The following CLPB variants were observed in gnomAD, a reference collection of about 807,000 sequenced individuals.
The protein encoded by CLPB is mitochondrial disaggregase.
CLPB carries 40 observed loss-of-function variants against 78.4 expected under a neutral mutation model. The ratio of observed to expected loss-of-function variants is 0.51; its 90% confidence interval spans 0.40 to 0.66. CLPB has a LOEUF of 0.66. Among genes scored for constraint, CLPB ranks in the 30% least tolerant of loss-of-function variants. CLPB has a pLI of 0.00. For missense variants in CLPB, 780 were observed against 886.9 expected, an observed-to-expected ratio of 0.88 and a Z score of 1.53; for synonymous variants, 333 against 348.0, an observed-to-expected ratio of 0.96 and a Z score of 0.48.
chr11:72,411,632 A>T (rs1855878370), intron 2 of CLPB: 2 of 152,126 alleles, frequency 1.3e-5, no homozygotes, highest in Non-Finnish European at 2.9e-5. Context: ...TGTTTGTGGG[A>T]GGGAGGGAAA....
chr11:72,371,050 T>A (rs1951032250), intron 4 of CLPB, among the ~76,000 whole-genome samples: 2 of 152,206 alleles, frequency 1.3e-5, no homozygotes, highest in Admixed American at 6.5e-5. Flanking sequence ...AATTTTTCTG[T>A]TTCTCATATC....
rs758134970 is a variant in CLPB, at chr11:72,317,241, TG to T, written c.874-22del. 5.1e-6 allele frequency: 8 copies of T among 1,578,808 alleles called. No individual in the cohort carries two copies. The Admixed American group carries it at 1.4e-4, about 27-fold the overall frequency. On this transcript the variant is annotated intron_variant, in intron 6 of 15. Transcript: ENST00000538039. ...TGGTACTGTGGGGAGAGAGGGCAAA[TG>T]GTTGAGGGCTGCCGGGCCCATAGCA...
chr11:72,380,499 C>A (rs1448967506), intron 3 of CLPB, 115 bp from the exon 4 acceptor site: 3 of 755,224 alleles, frequency 4.0e-6, no homozygotes, highest in African/African-American at 3.5e-5. Context: ...GTGAGTGATA[C>A]GGTGGGAAAA....
chr11:72,430,920 T>C (rs369475026), intron 1 of CLPB, among the ~76,000 whole-genome samples: 2 of 152,332 alleles, frequency 1.3e-5, no homozygotes, highest in African/African-American at 4.8e-5. Context: ...CACGTGACCA[T>C]GACAGCTCCT....
At chr11:72,432,694 C>G (rs1360258076) in intron 1 of CLPB, among the ~76,000 whole-genome samples, 4 of 152,174 alleles carry the variant, frequency 2.6e-5, no homozygotes, top group South Asian at 4.1e-4. Context: ...TTTCAAAACC[C>G]TCATTTTGTA....
intron 2 of CLPB, chr11:72,429,246 A>C (rs1034469945): frequency 6.6e-6 from 1 of 152,236 alleles, no homozygotes; most frequent in African/African-American, 2.4e-5. Flanking sequence ...TTTGGCTACA[A>C]AACAACTCCC....
chr11:72,388,250 C>G (rs1855143171), intron 3 of CLPB, among the ~76,000 whole-genome samples: 1 of 138,100 alleles, frequency 7.2e-6, no homozygotes, highest in Non-Finnish European at 1.6e-5. Flanking sequence ...TTCCCTTCCC[C>G]TTTTTTTTTT....
intron 11 of CLPB, among the ~76,000 whole-genome samples, chr11:72,300,346 C>T (rs138488395): frequency 6.6e-6 from 1 of 152,334 alleles, no homozygotes; most frequent in Non-Finnish European, 1.5e-5. Flanking sequence ...TACCATGTCT[C>T]CTTTCCACCT....
chr11:72,337,100 G>A, intron 5 of CLPB: 1 of 398,652 alleles, frequency 2.5e-6, no homozygotes, highest in Non-Finnish European at 4.4e-6. Context: ...TCAAGTCAGA[G>A]CCAATTCTCC....
At chr11:72,374,162 T>G (rs1951097273) in intron 4 of CLPB, among the ~76,000 whole-genome samples, 1 of 152,026 alleles carries the variant, frequency 6.6e-6, no homozygotes. Flanking sequence ...GCTCAATACC[T>G]CCTAGGCAGG....
intron 4 of CLPB, among the ~76,000 whole-genome samples, chr11:72,360,088 T>C (rs1439525778): frequency 1.3e-5 from 2 of 152,178 alleles, no homozygotes; most frequent in African/African-American, 2.4e-5. Flanking sequence ...CAGAGCACTC[T>C]CTCCCCTGCT....
intron 4 of CLPB, among the ~76,000 whole-genome samples, chr11:72,379,342 C>T (rs1008041884): frequency 2.1e-4 from 32 of 152,182 alleles, no homozygotes; most frequent in Admixed American, 1.1e-3. Context: ...GGGATCGCAG[C>T]CTCTGTGAAT....
intron 5 of CLPB, among the ~76,000 whole-genome samples, chr11:72,344,363 C>T (rs1302685036): frequency 1.3e-5 from 2 of 151,986 alleles, no homozygotes; most frequent in African/African-American, 2.4e-5. Flanking sequence ...CACATCACCA[C>T]ACCCAGCTAA....
chr11:72,430,432 C>T (rs1856512211), intron 1 of CLPB, 69 bp from the exon 2 acceptor site: 1 of 1,383,282 alleles, frequency 7.2e-7, no homozygotes. Flanking sequence ...GCGTGGAGGG[C>T]CCACTAAGAC....
At chr11:72,327,610 G>A (rs1950153383) in intron 6 of CLPB, among the ~76,000 whole-genome samples, 1 of 152,172 alleles carries the variant, frequency 6.6e-6, no homozygotes, top group South Asian at 2.1e-4. Context: ...GGCCAGACCA[G>A]TACCTGCTCT....
At chr11:72,294,210 T>C in intron 14 of CLPB, 84 bp from the exon 15 acceptor site, 4 of 1,603,512 alleles carry the variant, frequency 2.5e-6, no homozygotes, top group Non-Finnish European at 3.4e-6. Context: ...CCAGGGCCAC[T>C]GGCCCCACAC....
In CLPB at chr11:72,430,371, G is replaced by C. The variant is rs1856510085; in HGVS notation, c.404-8C>G. The C allele has an allele frequency of 6.2e-7, 1 of 1,612,656 alleles. No individual in the cohort carries two copies. Among genetic ancestry groups the C allele is most frequent in the South Asian group, 1.1e-5 (1 of 90,494 alleles). ...CTTCCAACAGGGCTGCATCTGAAGAGAAAGGGGGCACTGGTCAGATCCGCG... is the reference window on the plus strand; with the variant it reads ...CTTCCAACAGGGCTGCATCTGAAGACAAAGGGGGCACTGGTCAGATCCGCG... On this transcript the variant is annotated splice_region_variant and splice_polypyrimidine_tract_variant and intron_variant, in intron 1 of 15. Coordinates refer to ENST00000538039, the MANE Select transcript of CLPB (RefSeq NM_001258392.3).
chr11:72,411,069 G>A (rs567031073), intron 2 of CLPB, among the ~76,000 whole-genome samples: 51 of 152,174 alleles, frequency 3.4e-4, no homozygotes, highest in Non-Finnish European at 5.4e-4. Flanking sequence ...CAGTCCACAG[G>A]TCTAACTTCC....
At chr11:72,404,403 T>C (rs920419062) in intron 2 of CLPB, among the ~76,000 whole-genome samples, 2 of 152,218 alleles carry the variant, frequency 1.3e-5, no homozygotes, top group African/African-American at 4.8e-5. Flanking sequence ...TAAATGTCCC[T>C]ACAGACCAAG....
Sources: gnomAD v4.1 joint callset for allele counts (sites outside exome capture counted in the v4.1 genomes callset) on GRCh38, gnomAD v4.1.1 for gene constraint, MANE v1.5 for transcripts, NCBI Gene and HGNC (gene_info 2026-07-23, HGNC 2026-07-21) for gene names.